The following KIF7 variants were observed in gnomAD, a reference collection of about 807,000 sequenced individuals.
KIF7 encodes kinesin-like protein KIF7.
Under a neutral mutation model 135.7 loss-of-function variants are expected in KIF7, and 104 were observed. The observed-to-expected ratio is 0.77, with a 90% CI of 0.65 to 0.90. KIF7 has a LOEUF of 0.90. KIF7 is among the 40% of genes least tolerant of loss of function. The pLI is 0.00. For synonymous variants in KIF7, 883 were observed against 809.4 expected, an observed-to-expected ratio of 1.09 and a Z score of -1.54; for missense variants, 2,005 against 1,839.1, an observed-to-expected ratio of 1.09 and a Z score of -1.65.
chr15:89,652,402 C>T lies in KIF7; in HGVS notation c.328+201G>A, dbSNP rs11634830. On this transcript the variant is annotated intron_variant, in intron 2 of 18. Transcript: ENST00000394412. ...AGGTGAGAAGGCCACTCACCTCCAA[C>T]GACCCTTCCTTCCTGCCCTGCCTAG... Among the ~76,000 whole-genome samples the T allele has an allele frequency of 0.056, 8,474 of 152,222 alleles. 385 individuals carry two copies. Among genetic ancestry groups the T allele is most frequent in the Middle Eastern group, 0.088 (26 of 294 alleles).
Position 89,628,804 on chromosome 15 carries a change from G to T in KIF7, c.3665-18C>A, listed in dbSNP as rs78862745. ...CTCCCCACCTGTCATGGAGAGTAAC[G>T]TGTCCTCATCAGAAACAGGTGGCAA... On this transcript the variant is annotated intron_variant, in intron 18 of 18. Coordinates refer to ENST00000394412, the MANE Select transcript of KIF7 (RefSeq NM_198525.3). 6.2e-6 allele frequency: 10 copies of T among 1,611,398 alleles called. No homozygotes were observed. Among genetic ancestry groups the T allele is most frequent in the African/African-American group, 2.7e-5 (2 of 74,880 alleles).
At chr15:89,631,861 TCA>T in intron 14 of KIF7, 151 bp from the exon 15 acceptor site, 1 of 683,656 alleles carries the variant, frequency 1.5e-6, no homozygotes, top group South Asian at 2.0e-5. Flanking sequence ...CAGACTTAGT[TCA>T]CAGAGACTCC....
At chr15:89,643,993 A>G (rs1185296155) in intron 10 of KIF7, among the ~76,000 whole-genome samples, 1 of 150,726 alleles carries the variant, frequency 6.6e-6, no homozygotes, top group Non-Finnish European at 1.5e-5. Flanking sequence ...GCACACTGGG[A>G]GGTGTAGGGA....
chr15:89,631,355 C>G (rs756752821), intron 15 of KIF7, 140 bp downstream of exon 15: 39 of 754,382 alleles, frequency 5.2e-5, no homozygotes, highest in Non-Finnish European at 7.6e-5. Flanking sequence ...CCCCAGCCCC[C>G]ACCTCCACCT....
chr15:89,617,954 G>A (rs145635340), intron 2 of KIF7: 1 of 631,192 alleles, frequency 1.6e-6, no homozygotes, highest in East Asian at 2.7e-5. Context: ...AGCCTCCTAA[G>A]GTGCTGGGAT....
At chr15:89,617,731 C>T (rs534588191) in intron 2 of KIF7, among the ~76,000 whole-genome samples, 3 of 142,536 alleles carry the variant, frequency 2.1e-5, no homozygotes, top group South Asian at 2.3e-4. Context: ...CTAGCTCTGT[C>T]GCCAGGCTGG....
chr15:89,634,665 C>G (rs1963764665), intron 11 of KIF7, among the ~76,000 whole-genome samples: 1 of 152,248 alleles, frequency 6.6e-6, no homozygotes, highest in Non-Finnish European at 1.5e-5. Flanking sequence ...GCACATGGCT[C>G]AGAGGGTCCT....
Position 89,633,845 on chromosome 15 carries a change from C to T in KIF7, c.2433G>A (p.Val811=). 1 of 1,613,726 alleles carries T rather than the reference C, an allele frequency of 6.2e-7. No individual in the cohort carries two copies. The highest frequency in any genetic ancestry group is 8.5e-7 in the Non-Finnish European group (1 of 1,180,048). The change falls in exon 12 of 19, where the codon GTG becomes GTA. Residue 811 remains valine (V), a synonymous_variant. Transcript: ENST00000394412. ...KEKKQATERL[V]SLSAQSEKRL... ...GCTTCTCACTCTGGGCCGACAGTGA[C>T]ACCAGCCGCTCCGTAGCCTGCTTCT...
At chr15:89,652,284 G>C (rs1964136008) in intron 2 of KIF7, among the ~76,000 whole-genome samples, 2 of 152,110 alleles carry the variant, frequency 1.3e-5, no homozygotes, top group South Asian at 4.2e-4. Context: ...ACCTTCCCTA[G>C]CCAGCCTGAC....
intron 1 of KIF7, among the ~76,000 whole-genome samples, chr15:89,621,884 T>C (rs1284143990): frequency 6.6e-6 from 1 of 151,716 alleles, no homozygotes; most frequent in Admixed American, 6.6e-5. Flanking sequence ...GCCCACTCCA[T>C]CCAGTCACCA....
intron 1 of KIF7, chr15:89,621,440 C>T: frequency 6.2e-7 from 1 of 1,613,968 alleles, no homozygotes; most frequent in Non-Finnish European, 8.5e-7. Flanking sequence ...TCCCAAGAGT[C>T]TTCTTTTTGG....
intron 1 of KIF7, among the ~76,000 whole-genome samples, chr15:89,654,200 A>G (rs1369248534): frequency 2.6e-5 from 4 of 151,966 alleles, no homozygotes; most frequent in Admixed American, 2.6e-4. Context: ...TCATAGAGAC[A>G]GGGTTTCACC....
rs528968559 is a variant in KIF7, at chr15:89,631,728, A to T, written c.2896-18T>A. ...TTGAGGGCCTGGGGGCAGAATCACC[A>T]GGGATTAGAGAAGGAACAGGCACTG... On this transcript the variant is annotated intron_variant, in intron 14 of 18. Coordinates refer to ENST00000394412, the MANE Select transcript of KIF7 (RefSeq NM_198525.3). 16 of 1,544,214 alleles carry T rather than the reference A, an allele frequency of 1.0e-5. No individual in the cohort carries two copies. Among genetic ancestry groups the T allele is most frequent in the African/African-American group, 9.6e-5 (7 of 73,078 alleles).
At chr15:89,626,104 T>C, downstream of KIF7, 1 of 1,599,866 alleles carries the variant, frequency 6.3e-7, no homozygotes, top group Non-Finnish European at 8.5e-7. Flanking sequence ...TGTGACAGAC[T>C]GTCTGAATTC....
downstream of KIF7, chr15:89,625,578 G>A (rs371265950): frequency 1.2e-6 from 2 of 1,612,766 alleles, no homozygotes; most frequent in African/African-American, 2.7e-5. Flanking sequence ...GGAACAGCAT[G>A]CCTAAGGCCG....
intron 1 of KIF7, chr15:89,619,986 G>T: frequency 1.1e-6 from 1 of 949,138 alleles, no homozygotes; most frequent in Non-Finnish European, 1.5e-6. Flanking sequence ...TCAGGGTGAT[G>T]GCTAGATGGA....
intron 11 of KIF7, 111 bp from the exon 12 acceptor site, chr15:89,633,994 G>A (rs1165187872): frequency 1.8e-6 from 2 of 1,120,568 alleles, no homozygotes; most frequent in Non-Finnish European, 2.7e-6. Context: ...GTAGGTGGGT[G>A]ATAGACCAAT....
intron 5 of KIF7, among the ~76,000 whole-genome samples, 172 bp downstream of exon 5, chr15:89,648,083 C>G (rs1485870570): frequency 1.3e-5 from 2 of 152,180 alleles, no homozygotes; most frequent in Non-Finnish European, 2.9e-5. Context: ...AGACCTGAGA[C>G]TCGGTGAAGT....
intron 11 of KIF7, among the ~76,000 whole-genome samples, chr15:89,635,738 G>C (rs1320096196): frequency 6.6e-6 from 1 of 152,204 alleles, no homozygotes; most frequent in African/African-American, 2.4e-5. Flanking sequence ...ATGGAACCAA[G>C]TTGGAAAACA....
Sources: gnomAD v4.1 joint callset for allele counts (sites outside exome capture counted in the v4.1 genomes callset) on GRCh38, gnomAD v4.1.1 for gene constraint, MANE v1.5 for transcripts, NCBI Gene and HGNC (gene_info 2026-07-23, HGNC 2026-07-21) for gene names.